The following PDIA5 variants were observed in gnomAD, a reference collection of about 807,000 sequenced individuals.
PDIA5 encodes protein disulfide-isomerase A5.
PDIA5 carries 58 observed loss-of-function variants against 77.6 expected under a neutral mutation model. The observed-to-expected ratio is 0.75, with a 90% CI of 0.61 to 0.93. The LOEUF (loss-of-function observed/expected upper bound fraction) is 0.93, where lower values mean the gene tolerates loss of function less well. PDIA5 is among the 40% of genes least tolerant of loss of function. PDIA5 has a pLI of 0.00. For missense variants in PDIA5, 630 were observed against 647.7 expected (o/e 0.97, Z 0.30); for synonymous variants, 250 against 252.1 (o/e 0.99, Z 0.08).
intron 1 of PDIA5, among the ~76,000 whole-genome samples, chr3:123,083,204 G>A (rs1476092981): frequency 7.6e-6 from 1 of 132,390 alleles, no homozygotes; most frequent in Non-Finnish European, 1.6e-5. Context: ...GGGAACTGGT[G>A]CTCGGGGTGG....
chr3:123,101,832 G>C (rs1934603670), intron 3 of PDIA5, among the ~76,000 whole-genome samples: 1 of 149,032 alleles, frequency 6.7e-6, no homozygotes, highest in Non-Finnish European at 1.5e-5. Flanking sequence ...GTCTGGACCT[G>C]TCTGTGTTGC....
intron 14 of PDIA5, among the ~76,000 whole-genome samples, chr3:123,151,573 G>A (rs959077631): frequency 6.6e-6 from 1 of 152,228 alleles, no homozygotes; most frequent in African/African-American, 2.4e-5. Context: ...TGCTTCCTCT[G>A]CCTCTCTTCA....
chr3:123,098,241 C>T (rs1934492016), intron 3 of PDIA5, among the ~76,000 whole-genome samples: 1 of 152,180 alleles, frequency 6.6e-6, no homozygotes, highest in Admixed American at 6.5e-5. Context: ...CCAGAGGTCG[C>T]TAATGGCAGA....
At chr3:123,125,033 A>G (rs1238739207) in intron 10 of PDIA5, among the ~76,000 whole-genome samples, 4 of 152,014 alleles carry the variant, frequency 2.6e-5, no homozygotes, top group Admixed American at 2.6e-4. Context: ...TGGAGCCTCC[A>G]CTGTGCTAGG....
intron 1 of PDIA5, among the ~76,000 whole-genome samples, chr3:123,078,555 ACTCTTC>A (rs1174309269): frequency 6.6e-6 from 1 of 151,844 alleles, no homozygotes; most frequent in Non-Finnish European, 1.5e-5. Flanking sequence ...TTTTTATCAT[ACTCTTC>A]CTCTACATAT....
At chr3:123,132,100 C>G (rs976174526) in intron 11 of PDIA5, among the ~76,000 whole-genome samples, 12 of 152,120 alleles carry the variant, frequency 7.9e-5, no homozygotes, top group Non-Finnish European at 1.5e-4. Context: ...TTTGTTTTAC[C>G]CAGCGTGCCA....
chr3:123,153,294 A>G (rs1483704983), intron 14 of PDIA5, among the ~76,000 whole-genome samples: 2 of 152,306 alleles, frequency 1.3e-5, no homozygotes, highest in South Asian at 2.1e-4. Flanking sequence ...CGCCAGCCTA[A>G]TGCTATTATG....
At chr3:123,103,055 C>A (rs375235312) in intron 5 of PDIA5, among the ~76,000 whole-genome samples, 1 of 152,210 alleles carries the variant, frequency 6.6e-6, no homozygotes, top group Non-Finnish European at 1.5e-5. Flanking sequence ...GTGATGTCAC[C>A]TCTCTCTTTG....
At chr3:123,128,657 G>T (rs1935297356) in intron 10 of PDIA5, among the ~76,000 whole-genome samples, 1 of 152,078 alleles carries the variant, frequency 6.6e-6, no homozygotes. Flanking sequence ...ACAGGCACAG[G>T]CCACCATGCC....
intron 1 of PDIA5, among the ~76,000 whole-genome samples, chr3:123,074,833 T>C (rs1219554878): frequency 6.6e-6 from 1 of 152,220 alleles, no homozygotes; most frequent in Non-Finnish European, 1.5e-5. Flanking sequence ...TCCAAATTCG[T>C]AGACTACAGT....
chr3:123,134,297 C>T (rs1160877569), intron 11 of PDIA5, among the ~76,000 whole-genome samples: 2 of 152,144 alleles, frequency 1.3e-5, no homozygotes, highest in East Asian at 1.9e-4. Flanking sequence ...GTTTCTTTCC[C>T]GGTCCTGCTT....
At chr3:123,147,695 G>T (rs1428264476) in intron 13 of PDIA5, among the ~76,000 whole-genome samples, 1 of 152,214 alleles carries the variant, frequency 6.6e-6, no homozygotes, top group Non-Finnish European at 1.5e-5. Flanking sequence ...CTAGGCCTTT[G>T]TCTTAGGGAC....
At chr3:123,123,215 T>G (rs1245396501) in intron 8 of PDIA5, among the ~76,000 whole-genome samples, 1 of 152,174 alleles carries the variant, frequency 6.6e-6, no homozygotes, top group Non-Finnish European at 1.5e-5. Flanking sequence ...AGTTAGAGGG[T>G]GCAGTGAGCT....
At chr3:123,084,600 T>G (rs1934087521) in intron 1 of PDIA5, among the ~76,000 whole-genome samples, 1 of 152,178 alleles carries the variant, frequency 6.6e-6, no homozygotes. Context: ...ACTGTCTACC[T>G]GTCCAAAACC....
intron 8 of PDIA5, among the ~76,000 whole-genome samples, chr3:123,118,164 A>AT (rs1442714410): frequency 2.6e-5 from 4 of 152,210 alleles, no homozygotes; most frequent in African/African-American, 7.2e-5. Flanking sequence ...TTTTGACCTC[A>AT]TTCTGGGGTG....
At position 123,146,178 on chromosome 3, in the gene PDIA5, C is replaced by T. The variant is rs144363240; in HGVS notation, c.1061C>T (p.Thr354Met). Residue 354 changes from threonine (T) to methionine (M), a missense_variant, in exon 13 of 17, where the codon ACG becomes ATG. Thr to Met is a moderately conservative substitution (Grantham distance 81). Transcript: ENST00000316218. ...AERFHISEFP[T>M]LKYFKNGEKY... is the part of the protein sequence containing the mutation. ...AGATTCCACATCTCAGAGTTTCCTA[C>T]GTTGAAGTATTTTAAGAATGGAGAG... is the stretch of plus-strand genomic sequence containing the variant. The T allele has an allele frequency of 5.6e-6, 9 of 1,613,868 alleles. No individual in the cohort carries two copies. Among genetic ancestry groups the T allele is most frequent in the Admixed American group, 3.3e-5 (2 of 60,024 alleles).
At chr3:123,087,598 C>A in intron 1 of PDIA5, among the ~76,000 whole-genome samples, 1 of 151,824 alleles carries the variant, frequency 6.6e-6, no homozygotes, top group Non-Finnish European at 1.5e-5. Flanking sequence ...TATGGATGCA[C>A]CATTTTATTT....
chr3:123,093,619 C>T (rs1293409156), intron 3 of PDIA5, among the ~76,000 whole-genome samples: 1 of 152,206 alleles, frequency 6.6e-6, no homozygotes, highest in African/African-American at 2.4e-5. Context: ...ACAGACATTA[C>T]TGGGCATTTA....
In PDIA5 at chr3:123,130,528, G is replaced by A. The variant is rs530403546; in HGVS notation, c.822G>A (p.Glu274=). The part of the protein sequence containing the change: ...PQVPETPWAD[E]GGSVYHLTDE... ...TCCCTGAGACTCCCTGGGCAGATGA[G>A]GGCGGCTCCGTTTATCACCTGACCG... Residue 274 remains glutamate, a synonymous_variant, in exon 11 of 17, where the codon GAG becomes GAA. Coordinates refer to ENST00000316218, the MANE Select transcript of PDIA5 (RefSeq NM_006810.4). 104 of 1,614,112 alleles carry A rather than the reference G, an allele frequency of 6.4e-5. No individual in the cohort carries two copies. The South Asian group carries it at 9.8e-4, about 15-fold the overall frequency.
Sources: allele counts gnomAD v4.1 joint callset (sites outside exome capture counted in the v4.1 genomes callset), GRCh38; gene constraint gnomAD v4.1.1; transcripts MANE v1.5; gene names NCBI Gene and HGNC (gene_info 2026-07-23, HGNC 2026-07-21).